The following ZDHHC17 variants were observed in gnomAD, a reference collection of about 807,000 sequenced individuals.
ZDHHC17 encodes the protein zDHHC palmitoyltransferase 17, also known as palmitoyltransferase ZDHHC17.
ZDHHC17 carries 40 observed loss-of-function variants against 90.3 expected under a neutral mutation model. The observed-to-expected ratio is 0.44, with a 90% CI of 0.34 to 0.58. The LOEUF (loss-of-function observed/expected upper bound fraction) is 0.58, where lower values mean the gene tolerates loss of function less well. Ranked by LOEUF, ZDHHC17 falls within the 20% of genes least tolerant of loss-of-function variation. The pLI is 0.01. For synonymous variants in ZDHHC17, 235 were observed against 252.4 expected (o/e 0.93, Z 0.65); for missense variants, 614 against 780.8 (o/e 0.79, Z 2.55).
chr12:76,802,891 G>A (rs908121304), intron 2 of ZDHHC17, among the ~76,000 whole-genome samples: 11 of 152,180 alleles, frequency 7.2e-5, no homozygotes, highest in African/African-American at 2.4e-4. Flanking sequence ...TAGAAATCAT[G>A]CTTCAAGTAT....
At chr12:76,812,780 ATTCTT>A (rs1376296097) in intron 5 of ZDHHC17, among the ~76,000 whole-genome samples, 2 of 152,028 alleles carry the variant, frequency 1.3e-5, no homozygotes, top group Admixed American at 6.6e-5. Flanking sequence ...TTGTCATTCT[ATTCTT>A]CACAATCGTT....
chr12:76,803,120 G>A (rs1307382541), intron 2 of ZDHHC17, among the ~76,000 whole-genome samples: 2 of 152,068 alleles, frequency 1.3e-5, no homozygotes, highest in Admixed American at 6.6e-5. Flanking sequence ...AAGCATGGTG[G>A]TGCACACCTG....
intron 1 of ZDHHC17, among the ~76,000 whole-genome samples, chr12:76,795,341 G>C (rs377682375): frequency 1.3e-5 from 2 of 151,652 alleles, no homozygotes; most frequent in Non-Finnish European, 2.9e-5. Flanking sequence ...CCTCTTTAAC[G>C]TTGCACATGT....
At chr12:76,813,613 A>C (rs1953051078) in intron 5 of ZDHHC17, among the ~76,000 whole-genome samples, 1 of 152,106 alleles carries the variant, frequency 6.6e-6, no homozygotes, top group Admixed American at 6.6e-5. Context: ...ATAGTGTTTT[A>C]CAGTGTGCTT....
chr12:76,780,055 T>C (rs1329250128), intron 1 of ZDHHC17, among the ~76,000 whole-genome samples: 2 of 152,208 alleles, frequency 1.3e-5, no homozygotes, highest in South Asian at 2.1e-4. Flanking sequence ...TATAGCTATA[T>C]AGTAGGTCTT....
chr12:76,849,557 A>T, intron 16 of ZDHHC17, 87 bp downstream of exon 16: 1 of 773,524 alleles, frequency 1.3e-6, no homozygotes, highest in South Asian at 1.9e-5. Flanking sequence ...GATATGTAAA[A>T]TAGCTTTTAA....
intron 2 of ZDHHC17, among the ~76,000 whole-genome samples, chr12:76,802,877 T>C (rs1455134979): frequency 1.3e-5 from 2 of 152,222 alleles, no homozygotes; most frequent in Non-Finnish European, 1.5e-5. Flanking sequence ...TGGTACATAT[T>C]CAGTAGAAAT....
chr12:76,769,476 C>A (rs760994935), intron 1 of ZDHHC17, among the ~76,000 whole-genome samples: 2 of 152,068 alleles, frequency 1.3e-5, no homozygotes, highest in Non-Finnish European at 2.9e-5. Flanking sequence ...TAAGGTAATT[C>A]ATTTGCTTTC....
chr12:76,826,072 G>A (rs1953226679), intron 8 of ZDHHC17, among the ~76,000 whole-genome samples: 1 of 152,116 alleles, frequency 6.6e-6, no homozygotes, highest in Non-Finnish European at 1.5e-5. Context: ...TCTCGTCTAG[G>A]CCTCCCAAAG....
chr12:76,774,341 C>A (rs1952533877), intron 1 of ZDHHC17, among the ~76,000 whole-genome samples: 1 of 151,922 alleles, frequency 6.6e-6, no homozygotes, highest in African/African-American at 2.4e-5. Context: ...CATACACACA[C>A]ACACACACAC....
At chr12:76,800,488 TG>T (rs1461004298) in intron 2 of ZDHHC17, among the ~76,000 whole-genome samples, 1 of 152,266 alleles carries the variant, frequency 6.6e-6, no homozygotes, top group African/African-American at 2.4e-5. Context: ...TCTTCAGTTC[TG>T]TCAATTTTTG....
intron 10 of ZDHHC17, among the ~76,000 whole-genome samples, chr12:76,838,623 T>C (rs1325345787): frequency 2.6e-5 from 4 of 152,184 alleles, no homozygotes; most frequent in African/African-American, 9.7e-5. Context: ...TGAGGTTTTA[T>C]TCTACGCAGC....
At chr12:76,833,700 G>A (rs1315534729) in intron 10 of ZDHHC17, among the ~76,000 whole-genome samples, 1 of 152,194 alleles carries the variant, frequency 6.6e-6, no homozygotes, top group African/African-American at 2.4e-5. Flanking sequence ...GCTGAGGCAG[G>A]AGAATGGCAT....
intron 2 of ZDHHC17, among the ~76,000 whole-genome samples, chr12:76,799,891 A>G (rs916579341): frequency 6.6e-6 from 1 of 152,198 alleles, no homozygotes; most frequent in African/African-American, 2.4e-5. Context: ...ATTTGCACAT[A>G]CACAATGAGA....
chr12:76,842,779 A>G (rs566516024), intron 11 of ZDHHC17, 140 bp from the exon 12 acceptor site: 4 of 616,512 alleles, frequency 6.5e-6, no homozygotes, highest in South Asian at 4.7e-5. Context: ...AGCAGTAAAT[A>G]AAAGATTTTA....
chr12:76,790,311 G>A (rs1018076773), intron 1 of ZDHHC17, among the ~76,000 whole-genome samples: 1 of 152,070 alleles, frequency 6.6e-6, no homozygotes, highest in African/African-American at 2.4e-5. Flanking sequence ...AGACCAGCCT[G>A]GCCAACATGG....
At chr12:76,814,205 A>G (rs1346720302) in intron 5 of ZDHHC17, among the ~76,000 whole-genome samples, 1 of 151,906 alleles carries the variant, frequency 6.6e-6, no homozygotes, top group Admixed American at 6.6e-5. Flanking sequence ...GCGCAAGGAG[A>G]ATTAGATAAC....
rs539309499 is a variant in ZDHHC17, at chr12:76,828,032, C to T, written c.1041-358C>T. Among the ~76,000 whole-genome samples, 15 of 152,100 alleles carry T rather than the reference C, an allele frequency of 9.9e-5. No homozygotes were observed. In the East Asian group the frequency reaches 1.9e-3, roughly 20 times the overall value. Reference sequence around the variant, plus strand: ...AAAAATGTGAGGCTTGGTTTGGATTCATTTGTCAAAATTTTGACACATCTT... The same window carrying T: ...AAAAATGTGAGGCTTGGTTTGGATTTATTTGTCAAAATTTTGACACATCTT... On this transcript the variant is annotated intron_variant, in intron 9 of 16. Transcript: ENST00000426126.
intron 5 of ZDHHC17, among the ~76,000 whole-genome samples, chr12:76,811,246 A>G (rs1049590428): frequency 1.3e-5 from 2 of 152,222 alleles, no homozygotes; most frequent in African/African-American, 2.4e-5. Flanking sequence ...AGCAACTGCT[A>G]TAGGAGATTA....
Sources: gnomAD v4.1 joint callset for allele counts (sites outside exome capture counted in the v4.1 genomes callset) on GRCh38, gnomAD v4.1.1 for gene constraint, MANE v1.5 for transcripts, NCBI Gene and HGNC (gene_info 2026-07-23, HGNC 2026-07-21) for gene names.